SLC22A23: variants seen among roughly 807,000 people sequenced by gnomAD.
The protein encoded by SLC22A23 is ion transporter protein.
A neutral mutation model predicts 61.0 loss-of-function variants in SLC22A23; 26 were observed. The observed-to-expected ratio is 0.43, with a 90% confidence interval of 0.31 to 0.59. The LOEUF is 0.59. Ranked by LOEUF, SLC22A23 falls within the 20% of genes least tolerant of loss-of-function variation. The pLI, the probability that SLC22A23 is intolerant of heterozygous loss-of-function variation, is 0.11. For synonymous variants in SLC22A23, 430 were observed against 413.9 expected (o/e 1.04, Z -0.47); for missense variants, 796 against 934.7 (o/e 0.85, Z 1.94).
At chr6:3,335,123 G>A (rs1763778593) in intron 3 of SLC22A23, among the ~76,000 whole-genome samples, 1 of 152,114 alleles carries the variant, frequency 6.6e-6, no homozygotes, top group South Asian at 2.1e-4. Flanking sequence ...CAACATAATG[G>A]CACCAGCTAA....
At chr6:3,403,943 C>T (rs1768615235) in intron 3 of SLC22A23, among the ~76,000 whole-genome samples, 1 of 152,200 alleles carries the variant, frequency 6.6e-6, no homozygotes, top group Non-Finnish European at 1.5e-5. Flanking sequence ...GTCACGGTCA[C>T]CGTCAGTCAA....
At chr6:3,319,805 G>A (rs536792199) in intron 4 of SLC22A23, among the ~76,000 whole-genome samples, 1 of 152,216 alleles carries the variant, frequency 6.6e-6, no homozygotes, top group African/African-American at 2.4e-5. Context: ...TTTGGACCCT[G>A]AGGGGTCCAA....
Position 3,456,470 on chromosome 6 carries a change from C to T in SLC22A23, c.90G>A (p.Gly30=), listed in dbSNP as rs1772416363. 3 of 1,190,512 alleles carry T rather than the reference C, an allele frequency of 2.5e-6. No individual in the cohort carries two copies. Among genetic ancestry groups the T allele is most frequent in the Admixed American group, 4.6e-5 (1 of 21,712 alleles). The allele number at this position is 1,190,512 out of a possible 1,614,324, so 73.7% of individuals were successfully genotyped here. The change falls in exon 1 of 10, where the codon GGG becomes GGA. Residue 30 remains glycine (G), a synonymous_variant. Transcript: ENST00000406686. The surrounding 1 kb of genome is among the most constrained non-coding windows in gnomAD (Gnocchi z 7.1). ...PAEENGSLPP[G]DAAASAPLGG... is the part of the protein sequence containing the mutation. ...CGAGGGGCGCCGAGGCCGCCGCGTC[C>T]CCGGGCGGCAGGGAGCCGTTCTCCT...
intron 3 of SLC22A23, among the ~76,000 whole-genome samples, chr6:3,346,941 G>T (rs1221143525): frequency 6.6e-6 from 1 of 152,116 alleles, no homozygotes; most frequent in African/African-American, 2.4e-5. Context: ...ATTAAACAAA[G>T]ATACTATGGG....
chr6:3,277,474 A>G (rs1166430327), intron 9 of SLC22A23, among the ~76,000 whole-genome samples: 1 of 151,894 alleles, frequency 6.6e-6, no homozygotes, highest in Non-Finnish European at 1.5e-5. Context: ...TAGAGCCACT[A>G]TGTGCGGGCT....
chr6:3,421,952 T>C (rs1036064753), intron 1 of SLC22A23, among the ~76,000 whole-genome samples: 17 of 152,222 alleles, frequency 1.1e-4, no homozygotes, highest in African/African-American at 3.9e-4. Flanking sequence ...AAGTGTTTTT[T>C]AGGGAAGTGA....
intron 3 of SLC22A23, among the ~76,000 whole-genome samples, chr6:3,353,166 A>T (rs149900615): frequency 2.0e-5 from 3 of 152,316 alleles, no homozygotes; most frequent in African/African-American, 7.2e-5. Context: ...TCACAGGAAT[A>T]ATCTGTTATT....
rs6908773 is a variant in SLC22A23 at position 3,322,237 on chromosome 6, T to C, written c.1082+1597A>G. On this transcript the variant is annotated intron_variant, in intron 4 of 9. Transcript: ENST00000406686. This position sits in a 1 kb window ranked among gnomAD's most constrained non-coding sequence, Gnocchi z 4.1. Reference sequence around the variant, plus strand: ...ACCATTTACTATTGCAAAGTGCTTGTCGTCTGTGCCTGGTACAGTGGGAAG... The same window carrying C: ...ACCATTTACTATTGCAAAGTGCTTGCCGTCTGTGCCTGGTACAGTGGGAAG... Among the ~76,000 whole-genome samples the C allele has an allele frequency of 0.84, 128,555 of 152,144 alleles. 54,640 individuals are homozygous for C. The highest frequency in any genetic ancestry group is 0.91 in the African/African-American group (37,866 of 41,514).
rs137883743 is a variant in SLC22A23 at position 3,440,042 on chromosome 6, G to A, written c.654+15864C>T. On this transcript the variant is annotated intron_variant, in intron 1 of 9. Coordinates refer to ENST00000406686, the MANE Select transcript of SLC22A23 (RefSeq NM_015482.2). ...CATGGAGAGCCACGGAGGATTTGAA[G>A]CAAGGGAGTGATAAAGAGCCACTCA... Among the ~76,000 whole-genome samples the A allele has an allele frequency of 2.1e-3, 324 of 152,262 alleles. 2 individuals are homozygous for A. Among genetic ancestry groups the A allele is most frequent in the African/African-American group, 7.5e-3 (313 of 41,550 alleles).
chr6:3,438,125 C>T (rs891708770), intron 1 of SLC22A23, among the ~76,000 whole-genome samples: 1 of 152,136 alleles, frequency 6.6e-6, no homozygotes, highest in Non-Finnish European at 1.5e-5. Context: ...TCTCCCCTGC[C>T]ACCACCATTG....
At chr6:3,352,004 G>T (rs1330218706) in intron 3 of SLC22A23, among the ~76,000 whole-genome samples, 1 of 152,186 alleles carries the variant, frequency 6.6e-6, no homozygotes, top group Non-Finnish European at 1.5e-5. Flanking sequence ...CACCCGACTG[G>T]TAAGGCTGCT....
intron 9 of SLC22A23, chr6:3,282,385 T>G (rs1056694965): frequency 1.4e-6 from 1 of 693,770 alleles, no homozygotes; most frequent in Non-Finnish European, 2.6e-6. Context: ...GGCATTTCTG[T>G]CCAGGTGCCC....
chr6:3,390,132 C>T lies in SLC22A23; in HGVS notation c.913+20056G>A, dbSNP rs554667762. ...TGGGCTCATCCGGAACAGCAACCAG[C>T]GGTGAGCCACAGTCAGGAAAAGGAA... is the stretch of plus-strand genomic sequence containing the variant. On this transcript the variant is annotated intron_variant, in intron 3 of 9. Transcript: ENST00000406686. This position sits in a 1 kb window ranked among gnomAD's most constrained non-coding sequence, Gnocchi z 4.0. 3.3e-5 allele frequency among the ~76,000 whole-genome samples: 5 copies of T among 152,258 alleles called. No homozygotes were observed. In the South Asian group the frequency reaches 6.2e-4, roughly 19 times the overall value.
intron 3 of SLC22A23, among the ~76,000 whole-genome samples, chr6:3,382,798 T>C (rs1350889298): frequency 6.6e-6 from 1 of 152,236 alleles, no homozygotes; most frequent in Non-Finnish European, 1.5e-5. Context: ...AAAAGTTTGT[T>C]GAGTCCTAGT....
Position 3,330,024 on chromosome 6 carries a change from T to A in SLC22A23, c.914-6022A>T, listed in dbSNP as rs1763498396. Reference sequence around the variant, plus strand: ...GGCCATCCTCTCCCAAGGGGAAGCCTCTGCGAAGGCCGACTGGGCCACTAG... The same window carrying A: ...GGCCATCCTCTCCCAAGGGGAAGCCACTGCGAAGGCCGACTGGGCCACTAG... On this transcript the variant is annotated intron_variant, in intron 3 of 9. Coordinates refer to ENST00000406686, the MANE Select transcript of SLC22A23 (RefSeq NM_015482.2). This position sits in a 1 kb window ranked among gnomAD's most constrained non-coding sequence, Gnocchi z 4.7. Among the ~76,000 whole-genome samples, 1 of 152,290 alleles carries A rather than the reference T, an allele frequency of 6.6e-6. No homozygotes were observed. The highest frequency in any genetic ancestry group is 2.1e-4 in the South Asian group (1 of 4,822).
At chr6:3,282,884 A>G (rs1450058718) in intron 9 of SLC22A23, among the ~76,000 whole-genome samples, 1 of 152,208 alleles carries the variant, frequency 6.6e-6, no homozygotes, top group Non-Finnish European at 1.5e-5. Context: ...CCAGGGGCAG[A>G]GACGGCACCA....
intron 3 of SLC22A23, among the ~76,000 whole-genome samples, chr6:3,365,656 T>C (rs1205914194): frequency 6.6e-6 from 1 of 152,180 alleles, no homozygotes; most frequent in East Asian, 1.9e-4. Flanking sequence ...GAAATGATCC[T>C]CTTGGATTTT....
chr6:3,352,719 G>T (rs1231135620), intron 3 of SLC22A23, among the ~76,000 whole-genome samples: 2 of 152,180 alleles, frequency 1.3e-5, no homozygotes, highest in Non-Finnish European at 2.9e-5. Flanking sequence ...CTTCCTGGAG[G>T]TCTGAGGATA....
intron 1 of SLC22A23, among the ~76,000 whole-genome samples, chr6:3,445,810 T>C (rs1464579759): frequency 6.6e-6 from 1 of 151,896 alleles, no homozygotes; most frequent in Non-Finnish European, 1.5e-5. Context: ...AGATGCCCCC[T>C]ACAACAAGGA....
Sources: allele counts gnomAD v4.1 joint callset (sites outside exome capture counted in the v4.1 genomes callset), GRCh38; gene constraint gnomAD v4.1.1; non-coding constraint Gnocchi (gnomAD v3.1); transcripts MANE v1.5; gene names NCBI Gene and HGNC (gene_info 2026-07-23, HGNC 2026-07-21).